Variants in SNX3 observed in about 807,000 individuals in gnomAD.
SNX3 encodes the protein sorting nexin 3.
Under a neutral mutation model 17.7 loss-of-function variants are expected in SNX3, and 5 were observed. That is an observed-to-expected ratio of 0.28 (90% confidence interval 0.15 to 0.59). The LOEUF (loss-of-function observed/expected upper bound fraction) is 0.59. Among genes scored for constraint, SNX3 ranks in the 20% least tolerant of loss-of-function variants. SNX3 has a pLI of 0.88. For synonymous variants in SNX3, 91 were observed against 76.5 expected (o/e 1.19, Z -0.99); for missense variants, 132 against 206.8 (o/e 0.64, Z 2.22).
intron 1 of SNX3, among the ~76,000 whole-genome samples, chr6:108,234,383 T>C (rs1775261947): frequency 6.6e-6 from 1 of 152,044 alleles, no homozygotes; most frequent in Admixed American, 6.6e-5. Context: ...CAAAACCCGT[T>C]TCTACCAAAA....
chr6:108,223,733 C>G (rs978575404), intron 1 of SNX3, among the ~76,000 whole-genome samples: 5 of 151,998 alleles, frequency 3.3e-5, no homozygotes, highest in African/African-American at 9.7e-5. Context: ...AAACTCCTGA[C>G]CTCAAGTGAT....
rs187021358 is a variant in SNX3 at position 108,221,165 on chromosome 6, T to C, written c.258+1785A>G. On this transcript the variant is annotated intron_variant, in intron 2 of 3. Transcript: ENST00000230085. Reference sequence around the variant, plus strand: ...ATAAATAAGTTAGAAGATACTGCTCTACTTCATGCAGGTCTCTGCTAATGT... The same window carrying C: ...ATAAATAAGTTAGAAGATACTGCTCCACTTCATGCAGGTCTCTGCTAATGT... 2.6e-5 allele frequency among the ~76,000 whole-genome samples: 4 copies of C among 152,328 alleles called. No homozygotes were observed. The East Asian group carries it at 7.7e-4, about 29-fold the overall frequency.
At chr6:108,242,826 A>AT (rs1775560992) in intron 1 of SNX3, among the ~76,000 whole-genome samples, 2 of 152,090 alleles carry the variant, frequency 1.3e-5, no homozygotes, top group African/African-American at 4.8e-5. Context: ...GATCAAAGAG[A>AT]TTTTTTCCAC....
At chr6:108,256,633 T>C (rs1345643413) in intron 1 of SNX3, among the ~76,000 whole-genome samples, 1 of 152,238 alleles carries the variant, frequency 6.6e-6, no homozygotes, top group African/African-American at 2.4e-5. Flanking sequence ...CTGAGGACTA[T>C]GTCAGAGCTC....
intron 1 of SNX3, among the ~76,000 whole-genome samples, chr6:108,226,976 T>C (rs1417219933): frequency 2.0e-5 from 3 of 152,168 alleles, no homozygotes; most frequent in African/African-American, 7.2e-5. Flanking sequence ...AACAAGACTC[T>C]TATTATACTA....
chr6:108,217,742 C>T (rs1393441296), intron 2 of SNX3, among the ~76,000 whole-genome samples: 2 of 148,248 alleles, frequency 1.3e-5, no homozygotes, highest in Admixed American at 6.7e-5. Flanking sequence ...GAGCTAGACA[C>T]CGTCTCAAAA....
At chr6:108,213,271 A>C (rs1455581383) in intron 3 of SNX3, among the ~76,000 whole-genome samples, 1 of 152,224 alleles carries the variant, frequency 6.6e-6, no homozygotes, top group Non-Finnish European at 1.5e-5. Flanking sequence ...ATACTAAAAA[A>C]ACAGGCACAA....
intron 1 of SNX3, among the ~76,000 whole-genome samples, chr6:108,251,538 C>T (rs931570667): frequency 4.6e-5 from 7 of 152,172 alleles, no homozygotes; most frequent in Admixed American, 3.9e-4. Flanking sequence ...AAACATTCCC[C>T]TTGGCTAGAA....
intron 1 of SNX3, among the ~76,000 whole-genome samples, chr6:108,226,657 G>A (rs897587229): frequency 7.9e-5 from 12 of 152,142 alleles, no homozygotes; most frequent in African/African-American, 2.9e-4. Flanking sequence ...TCACTCCTAA[G>A]AAAGTTCTAC....
chr6:108,243,803 C>T (rs982200971), intron 1 of SNX3, among the ~76,000 whole-genome samples: 1 of 152,034 alleles, frequency 6.6e-6, no homozygotes, highest in Non-Finnish European at 1.5e-5. Flanking sequence ...CATGGTGGTA[C>T]GAGCCTGTAA....
intron 2 of SNX3, among the ~76,000 whole-genome samples, chr6:108,219,883 C>T (rs561866874): frequency 7.2e-5 from 11 of 152,206 alleles, no homozygotes; most frequent in Admixed American, 2.0e-4. Context: ...AAGATAATAA[C>T]TGTGGTGCCT....
chr6:108,260,892 C>T lies in SNX3; in HGVS notation c.30G>A (p.Arg10=), dbSNP rs746389539. The T allele has an allele frequency of 2.5e-6, 4 of 1,608,956 alleles. No homozygotes were observed. The highest frequency in any genetic ancestry group is 3.4e-6 in the Non-Finnish European group (4 of 1,177,596). Residue 10 remains arginine (R), a synonymous_variant, in exon 1 of 4, where the codon CGG becomes CGA. Transcript: ENST00000230085. ...TCAGGTTCTGCGGCTTGGTGATCAG[C>T]CGCCGGGTGTCAGCCACGGTCTCCG... MAETVADTR[R]LITKPQNLND...
At chr6:108,253,769 G>A (rs1196029353) in intron 1 of SNX3, among the ~76,000 whole-genome samples, 1 of 152,054 alleles carries the variant, frequency 6.6e-6, no homozygotes, top group African/African-American at 2.4e-5. Flanking sequence ...GAGACAGATA[G>A]CATGATAAGC....
At chr6:108,249,897 T>G (rs190681213) in intron 1 of SNX3, among the ~76,000 whole-genome samples, 1 of 152,292 alleles carries the variant, frequency 6.6e-6, no homozygotes, top group Admixed American at 6.5e-5. Context: ...ATGAATGCTT[T>G]TTCCATAGCC....
intron 1 of SNX3, among the ~76,000 whole-genome samples, chr6:108,236,375 ATTATTTTTTTT>A (rs1775331714): frequency 8.2e-6 from 1 of 122,376 alleles, no homozygotes; most frequent in East Asian, 2.2e-4. Context: ...TATTATTATT[ATTATTTTTTTT>A]TTTTTTTTTT....
At chr6:108,213,553 G>A (rs570110731) in intron 3 of SNX3, among the ~76,000 whole-genome samples, 2 of 151,628 alleles carry the variant, frequency 1.3e-5, no homozygotes, top group South Asian at 2.1e-4. Flanking sequence ...TCAGGTGGCT[G>A]AGGCATGAGA....
At position 108,260,974 on chromosome 6, in the gene SNX3, AGCC is replaced by A. The variant is rs540671479; in HGVS notation, c.-56_-54del. The A allele has an allele frequency of 1.9e-4, 276 of 1,427,398 alleles. No homozygotes were observed. The highest frequency in any genetic ancestry group is 3.5e-4 in the South Asian group (24 of 67,890). The allele number at this position is 1,427,398 out of a possible 1,614,324, so 88.4% of individuals were successfully genotyped here. A position where few individuals can be genotyped will look rare whatever the true frequency, so the allele number is the denominator to read the frequency against. ...GGCTCCCTCCGCCCCCTCCGCGTTC[AGCC>A]GCCGCCGCCGCCGCTGCTGCCCGCC... On this transcript the variant is annotated 5_prime_UTR_variant, in exon 1 of 4. Transcript: ENST00000230085.
chr6:108,234,901 G>A (rs544174044), intron 1 of SNX3, among the ~76,000 whole-genome samples: 154 of 152,204 alleles, frequency 1.0e-3, no homozygotes, highest in African/African-American at 3.6e-3. Context: ...ACTAAATGAA[G>A]CCTTGATACA....
intron 3 of SNX3, 133 bp downstream of exon 3, chr6:108,214,359 ATACTTT>A (rs1774500692): frequency 1.4e-6 from 1 of 722,902 alleles, no homozygotes; most frequent in South Asian, 1.9e-5. Flanking sequence ...AACTTGTCAG[ATACTTT>A]TACTTTGTTT....
Sources: gnomAD v4.1 joint callset for allele counts (sites outside exome capture counted in the v4.1 genomes callset) on GRCh38, gnomAD v4.1.1 for gene constraint, MANE v1.5 for transcripts, NCBI Gene and HGNC (gene_info 2026-07-23, HGNC 2026-07-21) for gene names.